CDH4: variants seen among roughly 807,000 people sequenced by gnomAD.
CDH4 encodes cadherin 4, also known as cadherin-4.
CDH4 carries 33 observed loss-of-function variants against 86.0 expected under a neutral mutation model. That is an observed-to-expected ratio of 0.38 (90% confidence interval 0.29 to 0.51). The LOEUF (loss-of-function observed/expected upper bound fraction) is 0.51, where lower values mean the gene tolerates loss of function less well. CDH4 is among the 20% of genes least tolerant of loss of function. The pLI is 0.86. For missense variants in CDH4, 1,114 were observed against 1,307.4 expected, an observed-to-expected ratio of 0.85 and a Z score of 2.28; for synonymous variants, 555 against 549.4, an observed-to-expected ratio of 1.01 and a Z score of -0.14.
intron 2 of CDH4, among the ~76,000 whole-genome samples, chr20:61,312,989 T>C (rs1427773309): frequency 6.6e-6 from 1 of 152,028 alleles, no homozygotes; most frequent in Non-Finnish European, 1.5e-5. Context: ...GGCCTGGGGG[T>C]CTCACTCCTG....
intron 2 of CDH4, among the ~76,000 whole-genome samples, chr20:61,502,102 T>G (rs1203895772): frequency 1.4e-5 from 2 of 147,686 alleles, no homozygotes; most frequent in Non-Finnish European, 3.0e-5. Context: ...AGGGGTGGGA[T>G]GAGATAGCTA....
intron 7 of CDH4, among the ~76,000 whole-genome samples, chr20:61,882,497 T>G (rs1250906340): frequency 1.3e-5 from 2 of 152,194 alleles, no homozygotes; most frequent in African/African-American, 4.8e-5. Flanking sequence ...ATTCAGGACC[T>G]CTGGTCACGG....
intron 2 of CDH4, among the ~76,000 whole-genome samples, chr20:61,454,453 CTT>C (rs1037591673): frequency 1.3e-5 from 2 of 152,116 alleles, no homozygotes; most frequent in Admixed American, 1.3e-4. Context: ...GCATTTTTTT[CTT>C]TCTTTTTTGA....
At chr20:61,622,074 C>T (rs1417966766) in intron 2 of CDH4, among the ~76,000 whole-genome samples, 1 of 152,196 alleles carries the variant, frequency 6.6e-6, no homozygotes, top group Non-Finnish European at 1.5e-5. Flanking sequence ...CTATTAGGAT[C>T]AATACTCAAG....
intron 2 of CDH4, among the ~76,000 whole-genome samples, chr20:61,534,808 C>T (rs1308004927): frequency 4.0e-5 from 5 of 124,744 alleles, no homozygotes; most frequent in Admixed American, 1.7e-4. Flanking sequence ...ATCCTCAACC[C>T]GACGGCCTCC....
chr20:61,454,294 G>A (rs549228510), intron 2 of CDH4, among the ~76,000 whole-genome samples: 1 of 152,292 alleles, frequency 6.6e-6, no homozygotes, highest in Non-Finnish European at 1.5e-5. Flanking sequence ...AAGTAAACAG[G>A]CAGCCACAAC....
In CDH4 at chr20:61,777,646, A is replaced by ATG. The variant is rs1568809823; in HGVS notation, c.576+4464_576+4465insTG. 8.2e-4 allele frequency among the ~76,000 whole-genome samples: 90 copies of ATG among 109,126 alleles called. 6 individuals carry two copies. Among genetic ancestry groups the ATG allele is most frequent in the East Asian group, 3.7e-3 (10 of 2,710 alleles). 71.6% of individuals were successfully genotyped at this position (109,126 alleles called of 152,430 possible). ...TGCATACAAAAACACACGTCTACACACGCACACACGTGCATACAAAGACAC... is the reference window on the plus strand; with the variant it reads ...TGCATACAAAAACACACGTCTACACATGCGCACACACGTGCATACAAAGACAC... On this transcript the variant is annotated intron_variant, in intron 4 of 15. Transcript: ENST00000614565.
chr20:61,279,166 A>G (rs2084245393), intron 2 of CDH4, among the ~76,000 whole-genome samples: 1 of 152,216 alleles, frequency 6.6e-6, no homozygotes, highest in Non-Finnish European at 1.5e-5. Context: ...TAAGCATGTT[A>G]TTAAATGAGC....
Position 61,826,638 on chromosome 20 carries a change from C to T in CDH4, c.577-18030C>T, listed in dbSNP as rs114309432. 1.4e-3 allele frequency among the ~76,000 whole-genome samples: 209 copies of T among 152,324 alleles called. 1 individual carries two copies. The highest frequency in any genetic ancestry group is 4.9e-3 in the African/African-American group (203 of 41,576). ...AGTATTCCAGAGAAGGAAACATTTT[C>T]AGCAAAGACCTCCACAAATGTTTGT... On this transcript the variant is annotated intron_variant, in intron 4 of 15. Transcript: ENST00000614565.
intron 2 of CDH4, among the ~76,000 whole-genome samples, chr20:61,713,369 C>A (rs1314594000): frequency 1.3e-5 from 2 of 152,228 alleles, no homozygotes. Flanking sequence ...CCCGTGCAAG[C>A]AGCCCACCTT....
At chr20:61,737,150 T>C (rs2088276032) in intron 2 of CDH4, among the ~76,000 whole-genome samples, 1 of 152,178 alleles carries the variant, frequency 6.6e-6, no homozygotes. Context: ...GGCTGAGCCC[T>C]GCCTGGCATT....
rs761587497 is a variant in CDH4 at position 61,720,814 on chromosome 20, A to G, written c.170-22749A>G. Among the ~76,000 whole-genome samples, 280 of 152,220 alleles carry G rather than the reference A, an allele frequency of 1.8e-3. 6 individuals are homozygous for G. The highest frequency in any genetic ancestry group is 7.9e-4 in the Non-Finnish European group (54 of 68,014). On this transcript the variant is annotated intron_variant, in intron 2 of 15. Coordinates refer to ENST00000614565, the MANE Select transcript of CDH4 (RefSeq NM_001794.5). ...GCGTGTTCTCTCATTGTACCATCAC[A>G]TTGAATTGTCTCAAACACCCTGCCA...
intron 2 of CDH4, among the ~76,000 whole-genome samples, chr20:61,425,282 G>A (rs193190336): frequency 3.0e-4 from 45 of 152,298 alleles, no homozygotes; most frequent in Admixed American, 7.2e-4. Context: ...CAGGGAGGGA[G>A]GCGGCCAGGA....
At chr20:61,858,077 CTGTG>C (rs560967174) in intron 6 of CDH4, among the ~76,000 whole-genome samples, 1 of 139,010 alleles carries the variant, frequency 7.2e-6, no homozygotes, top group Non-Finnish European at 1.6e-5. Flanking sequence ...GTATATGTCT[CTGTG>C]TGTGTCTCTG....
chr20:61,565,618 C>T (rs987561071), intron 2 of CDH4, among the ~76,000 whole-genome samples: 56 of 152,058 alleles, frequency 3.7e-4, no homozygotes, highest in African/African-American at 1.3e-3. Flanking sequence ...ATAAATTACC[C>T]AAACAGGTGA....
chr20:61,328,723 C>A (rs1417711899), intron 2 of CDH4, among the ~76,000 whole-genome samples: 1 of 152,102 alleles, frequency 6.6e-6, no homozygotes, highest in Non-Finnish European at 1.5e-5. Context: ...GAGGTTGAGG[C>A]TGCAGTGAGC....
chr20:61,542,678 A>G (rs943874792), intron 2 of CDH4, among the ~76,000 whole-genome samples: 1 of 152,254 alleles, frequency 6.6e-6, no homozygotes, highest in African/African-American at 2.4e-5. Flanking sequence ...GGGAATATTT[A>G]TAATCAGAAC....
At chr20:61,819,258 C>T (rs1568833207) in intron 4 of CDH4, among the ~76,000 whole-genome samples, 1 of 152,240 alleles carries the variant, frequency 6.6e-6, no homozygotes, top group Non-Finnish European at 1.5e-5. Context: ...GAAGCCACCG[C>T]AGGGCAGCTG....
intron 4 of CDH4, among the ~76,000 whole-genome samples, chr20:61,776,509 C>T (rs2088844386): frequency 1.3e-5 from 2 of 152,204 alleles, no homozygotes; most frequent in African/African-American, 4.8e-5. Context: ...TGGTTTGGAA[C>T]CACTTTGTCA....
Sources: allele counts gnomAD v4.1 joint callset (sites outside exome capture counted in the v4.1 genomes callset), GRCh38; gene constraint gnomAD v4.1.1; transcripts MANE v1.5; gene names NCBI Gene and HGNC (gene_info 2026-07-23, HGNC 2026-07-21).